RTN4: variants seen among roughly 807,000 people sequenced by gnomAD.
RTN4 encodes the protein reticulon-4.
A neutral mutation model predicts 90.4 loss-of-function variants in RTN4; 32 were observed. That is an observed-to-expected ratio of 0.35 (90% CI 0.27 to 0.48). The LOEUF (loss-of-function observed/expected upper bound fraction) is 0.48, where lower values mean the gene tolerates loss of function less well. RTN4 is among the 20% of genes least tolerant of loss of function. The pLI is 0.99. For missense variants in RTN4, 1,706 were observed against 1,430.2 expected (o/e 1.19, Z -3.11); for synonymous variants, 629 against 552.5 (o/e 1.14, Z -1.94).
At chr2:55,049,680 G>A in intron 1 of RTN4, 65 bp downstream of exon 1, 1 of 1,480,928 alleles carries the variant, frequency 6.8e-7, no homozygotes, top group Non-Finnish European at 9.0e-7. Context: ...CAAAGCATCT[G>A]GGGCTGCACA....
At chr2:55,062,324 A>T (rs560973203) in intron 2 of RTN4, among the ~76,000 whole-genome samples, 1 of 152,218 alleles carries the variant, frequency 6.6e-6, no homozygotes, top group Admixed American at 6.5e-5. Context: ...AATTGAGCTG[A>T]CTAACACAAG....
Position 55,026,133 on chromosome 2 carries a change from G to T in RTN4, c.1966C>A (p.Pro656Thr). The T allele has an allele frequency of 1.2e-6, 2 of 1,613,352 alleles. No homozygotes were observed. Among genetic ancestry groups the T allele is most frequent in the Non-Finnish European group, 1.7e-6 (2 of 1,179,768 alleles). Reference protein sequence around the residue: ...YESIKHEPENPPPYEEAMSVS... With the variant: ...YESIKHEPENTPPYEEAMSVS... ...CTCATGGCCTCTTCATATGGTGGGGGGTTTTCAGGCTCATGTTTTATGCTT... is the reference window on the plus strand; with the variant it reads ...CTCATGGCCTCTTCATATGGTGGGGTGTTTTCAGGCTCATGTTTTATGCTT... Residue 656 changes from proline (P) to threonine (T), a missense_variant, in exon 3 of 9, where the codon CCC (proline) becomes ACC (threonine). Transcript: ENST00000337526.
intron 3 of RTN4, among the ~76,000 whole-genome samples, chr2:54,999,843 C>T (rs1034670823): frequency 6.6e-6 from 1 of 152,104 alleles, no homozygotes; most frequent in African/African-American, 2.4e-5. Context: ...TGTCAAAAAA[C>T]TGACAGGCGA....
rs545695413 is a variant in RTN4 at position 55,100,074 on chromosome 2, T to C, written c.-214+12446A>G. ...CCTACTAATCTGCTACTTTAAATGA[T>C]GCAATACTTGCACATATTAGAACAT... On this transcript the variant is annotated intron_variant, in intron 1 of 3. Coordinates refer to the RTN4 transcript ENST00000427710. 3.3e-5 allele frequency among the ~76,000 whole-genome samples: 5 copies of C among 152,250 alleles called. No individual in the cohort carries two copies. In the South Asian group the frequency reaches 1.0e-3, roughly 32 times the overall value.
the RTN4 span, among the ~76,000 whole-genome samples, chr2:55,129,917 C>T: frequency 3.3e-5 from 5 of 152,094 alleles, no homozygotes; most frequent in African/African-American, 4.8e-5. Flanking sequence ...ACTAAAAATG[C>T]CCAGCACTGG....
At chr2:55,082,273 T>C (rs1246043770) in intron 1 of RTN4, among the ~76,000 whole-genome samples, 2 of 152,218 alleles carry the variant, frequency 1.3e-5, no homozygotes, top group South Asian at 2.1e-4. Flanking sequence ...AGCTCTTCCA[T>C]AGAAACGATC....
intron 3 of RTN4, among the ~76,000 whole-genome samples, chr2:55,008,247 G>C (rs919182507): frequency 6.6e-6 from 1 of 151,680 alleles, no homozygotes; most frequent in Non-Finnish European, 1.5e-5. Context: ...TGGTCAGGGG[G>C]AGAATGCAGT....
Position 55,049,837 on chromosome 2 carries a change from G to C in RTN4, c.464C>G (p.Ala155Gly). The C allele has an allele frequency of 7.6e-7, 1 of 1,311,716 alleles. No individual in the cohort carries two copies. The highest frequency in any genetic ancestry group is 9.7e-7 in the Non-Finnish European group (1 of 1,032,776). The allele number at this position is 1,311,716 out of a possible 1,614,324, so 81.3% of individuals were successfully genotyped here. Residue 155 changes from alanine to glycine, a missense_variant, in exon 1 of 9, where the codon GCA becomes GGA. Physicochemically the swap from Ala to Gly is moderately conservative, Grantham distance 60. Transcript: ENST00000337526. ...GGCTGGCGGGGTCCACACGGGCTCT[G>C]CCTGGGGGCTCACGCTGGCCGGGGG... ...PPPPASVSPQ[A>G]EPVWTPPAPA... is the part of the protein sequence containing the mutation.
At chr2:54,973,892 T>G in intron 6 of RTN4, 25 bp from the exon 7 acceptor site, 1 of 1,598,470 alleles carries the variant, frequency 6.3e-7, no homozygotes, top group Non-Finnish European at 8.5e-7. Flanking sequence ...ATACAACTTT[T>G]CAAAAAGAAC....
At chr2:55,019,078 T>C (rs1024073472) in intron 3 of RTN4, among the ~76,000 whole-genome samples, 1 of 152,076 alleles carries the variant, frequency 6.6e-6, no homozygotes, top group Non-Finnish European at 1.5e-5. Context: ...GAAGGAACCC[T>C]CAAAATATGC....
the RTN4 span, among the ~76,000 whole-genome samples, chr2:55,126,243 C>T: frequency 6.6e-6 from 1 of 151,980 alleles, no homozygotes; most frequent in African/African-American, 2.4e-5. Context: ...GTGGCGCATG[C>T]CTGTAATCTC....
rs1412615883 is a variant in RTN4 at position 54,982,522 on chromosome 2, G to C, written c.3353C>G (p.Ser1118Cys). 1 of 1,609,230 alleles carries C rather than the reference G, an allele frequency of 6.2e-7. No homozygotes were observed. The change falls in exon 5 of 9, where the codon TCT becomes TGT. Residue 1118 changes from serine (S) to cysteine (C), a missense_variant. Physicochemically the swap from Ser to Cys is moderately radical, Grantham distance 112. Transcript: ENST00000337526. ...AAGGCAAAATAAACTTACCTTCAGA[G>C]AATCAACTAAATCATCAACTAAGAA... ...RLFLVDDLVDSLKFAVLMWVF... is the reference protein window; with the variant it reads ...RLFLVDDLVDCLKFAVLMWVF...
chr2:55,015,273 T>C (rs1031655036), intron 3 of RTN4, among the ~76,000 whole-genome samples: 15 of 152,272 alleles, frequency 9.9e-5, no homozygotes, highest in South Asian at 6.2e-4. Context: ...AGTATGGGAA[T>C]AGGAAAACAA....
intron 1 of RTN4, among the ~76,000 whole-genome samples, chr2:55,084,316 T>C (rs1329773083): frequency 6.6e-6 from 1 of 151,758 alleles, no homozygotes; most frequent in African/African-American, 2.4e-5. Flanking sequence ...TTTTTTTTTT[T>C]TTTAAATAGA....
rs935918858 is a variant in RTN4 at position 55,050,379 on chromosome 2, G to T, written c.-79C>A. 3 of 928,476 alleles carry T rather than the reference G, an allele frequency of 3.2e-6. No individual in the cohort carries two copies. Among genetic ancestry groups the T allele is most frequent in the Non-Finnish European group, 4.5e-6 (3 of 671,962 alleles). 57.5% of individuals were successfully genotyped at this position (928,476 alleles called of 1,614,324 possible). On this transcript the variant is annotated 5_prime_UTR_variant, in exon 1 of 9. Transcript: ENST00000337526. The surrounding 1 kb of genome is among the most constrained non-coding windows in gnomAD (Gnocchi z 4.6). ...TCTCAGAGCCGCGGGCGGTTGTGGGGGTTGGGGAGGACTGAGAGGGGCTGG... is the reference window on the plus strand; with the variant it reads ...TCTCAGAGCCGCGGGCGGTTGTGGGTGTTGGGGAGGACTGAGAGGGGCTGG...
chr2:55,012,181 C>G (rs527278797), intron 3 of RTN4, among the ~76,000 whole-genome samples: 32 of 152,164 alleles, frequency 2.1e-4, no homozygotes, highest in Admixed American at 3.3e-4. Flanking sequence ...GCACTTAAGA[C>G]TACTTGTATC....
At chr2:55,104,737 T>C (rs1473764838) in intron 1 of RTN4, among the ~76,000 whole-genome samples, 1 of 152,074 alleles carries the variant, frequency 6.6e-6, no homozygotes, top group South Asian at 2.1e-4. Context: ...AATAATAATT[T>C]TTTTAAAAAA....
intron 3 of RTN4, among the ~76,000 whole-genome samples, chr2:55,008,925 T>C (rs1680434658): frequency 6.6e-6 from 1 of 152,100 alleles, no homozygotes; most frequent in Admixed American, 6.6e-5. Context: ...GATGAAGAAA[T>C]AAAAATCCTT....
At chr2:55,115,559 C>A (rs1263303515), upstream of RTN4, among the ~76,000 whole-genome samples, 1 of 152,208 alleles carries the variant, frequency 6.6e-6, no homozygotes, top group Non-Finnish European at 1.5e-5. Flanking sequence ...AAAGAGATAA[C>A]ATCCTTATCA....
Sources: gnomAD v4.1 joint callset for allele counts (sites outside exome capture counted in the v4.1 genomes callset) on GRCh38, gnomAD v4.1.1 for gene constraint, Gnocchi (gnomAD v3.1) non-coding constraint, MANE v1.5 for transcripts, NCBI Gene and HGNC (gene_info 2026-07-23, HGNC 2026-07-21) for gene names.